Variants in TMEM132B observed in about 807,000 individuals in gnomAD.
TMEM132B encodes transmembrane protein 132B.
A neutral mutation model predicts 90.8 loss-of-function variants in TMEM132B; 18 were observed. That is an observed-to-expected ratio of 0.20 (90% CI 0.14 to 0.29). The LOEUF (loss-of-function observed/expected upper bound fraction) is 0.29. TMEM132B is among the 10% of genes least tolerant of loss of function. The probability of loss-of-function intolerance (pLI) is 1.00; values close to 1 mark genes in which losing one functional copy is unlikely to be tolerated. For missense variants in TMEM132B, 1,096 were observed against 1,326.8 expected (o/e 0.83, Z 2.70); for synonymous variants, 504 against 523.3 (o/e 0.96, Z 0.50).
chr12:125,611,202 A>G (rs917028156), intron 5 of TMEM132B, among the ~76,000 whole-genome samples: 4 of 152,072 alleles, frequency 2.6e-5, no homozygotes, highest in African/African-American at 4.8e-5. Context: ...TATTCATAAC[A>G]TTTATCTACA....
chr12:125,339,516 C>A (rs1196972384), intron 1 of TMEM132B, among the ~76,000 whole-genome samples: 1 of 152,154 alleles, frequency 6.6e-6, no homozygotes, highest in Non-Finnish European at 1.5e-5. Context: ...GATGGAACAC[C>A]CACTCCAGGC....
Position 125,650,846 on chromosome 12 carries a change from A to G in TMEM132B, c.1807A>G (p.Ile603Val), listed in dbSNP as rs1886891627. The change falls in exon 7 of 9, where the codon ATC (isoleucine) becomes GTC (valine). Residue 603 changes from isoleucine (I) to valine (V), a missense_variant. Physicochemically the swap from Ile to Val is conservative, Grantham distance 29 (BLOSUM62 3). Transcript: ENST00000682704. ...GCTGGGCCCCGACTGGCAGTTTGACATCACTGACCTTGTGACCGAGTTCAT... is the reference window on the plus strand; with the variant it reads ...GCTGGGCCCCGACTGGCAGTTTGACGTCACTGACCTTGTGACCGAGTTCAT... ...YMLGPDWQFD[I>V]TDLVTEFMKV... The G allele has an allele frequency of 3.1e-6, 5 of 1,614,210 alleles. No homozygotes were observed. The South Asian group carries it at 4.4e-5, about 14-fold the overall frequency.
At chr12:125,215,033 C>T (rs552217669) in intron 1 of TMEM132B, among the ~76,000 whole-genome samples, 98 of 152,332 alleles carry the variant, frequency 6.4e-4, no homozygotes, top group African/African-American at 2.2e-3. Context: ...CTCCTTGTCC[C>T]TTGAGGCTCA....
chr12:125,468,899 A>G (rs1316292091), intron 3 of TMEM132B, among the ~76,000 whole-genome samples: 2 of 152,146 alleles, frequency 1.3e-5, no homozygotes, highest in East Asian at 3.8e-4. Flanking sequence ...CAGATTGTTC[A>G]TTGTTAGTAT....
chr12:125,249,661 G>T (rs1214035395), intron 1 of TMEM132B, among the ~76,000 whole-genome samples: 1 of 152,232 alleles, frequency 6.6e-6, no homozygotes, highest in Non-Finnish European at 1.5e-5. Context: ...TTCATACCAA[G>T]ATGGTAATTA....
intron 4 of TMEM132B, among the ~76,000 whole-genome samples, chr12:125,551,978 T>G (rs12811466): frequency 0.14 from 20,845 of 152,128 alleles, 1,583 homozygotes; most frequent in South Asian, 0.18. Flanking sequence ...ATGACAAATG[T>G]TTTCTTTTCG....
chr12:125,393,452 A>G (rs323852), intron 2 of TMEM132B, among the ~76,000 whole-genome samples: 78,231 of 151,860 alleles, frequency 0.52, 20,929 homozygotes, highest in East Asian at 0.88. Context: ...AACAACAACA[A>G]CCTGGTTTTG....
At chr12:125,222,453 G>A (rs1873580499) in intron 1 of TMEM132B, among the ~76,000 whole-genome samples, 1 of 152,104 alleles carries the variant, frequency 6.6e-6, no homozygotes, top group African/African-American at 2.4e-5. Context: ...AGGCGACTAA[G>A]GAAACAATTG....
At chr12:125,389,222 G>A (rs887519377) in intron 2 of TMEM132B, among the ~76,000 whole-genome samples, 1 of 152,114 alleles carries the variant, frequency 6.6e-6, no homozygotes, top group African/African-American at 2.4e-5. Context: ...AGTACTAAGT[G>A]TTATGCAAAA....
At chr12:125,417,887 A>G (rs932579879) in intron 3 of TMEM132B, among the ~76,000 whole-genome samples, 2 of 152,200 alleles carry the variant, frequency 1.3e-5, no homozygotes, top group African/African-American at 4.8e-5. Context: ...TGAACCAATC[A>G]CTGTAGCCAG....
chr12:125,210,096 A>G (rs1462229997), intron 1 of TMEM132B, among the ~76,000 whole-genome samples: 3 of 152,208 alleles, frequency 2.0e-5, no homozygotes, highest in Non-Finnish European at 4.4e-5. Flanking sequence ...GAGAAGCTAG[A>G]TAGGTCACTA....
At chr12:125,231,753 T>C (rs777839370) in intron 1 of TMEM132B, among the ~76,000 whole-genome samples, 3 of 151,546 alleles carry the variant, frequency 2.0e-5, no homozygotes, top group Non-Finnish European at 4.4e-5. Flanking sequence ...ATACATCTTT[T>C]TCTTTAAATT....
intron 2 of TMEM132B, among the ~76,000 whole-genome samples, chr12:125,352,969 C>T (rs938555775): frequency 6.6e-6 from 1 of 152,182 alleles, no homozygotes; most frequent in Non-Finnish European, 1.5e-5. Context: ...AGTCACTCCA[C>T]TGGAAGGGGT....
At chr12:125,638,889 A>G (rs1886556509) in intron 5 of TMEM132B, among the ~76,000 whole-genome samples, 1 of 152,228 alleles carries the variant, frequency 6.6e-6, no homozygotes, top group Non-Finnish European at 1.5e-5. Context: ...GTGTAATTTG[A>G]CAGTAAAAAT....
intron 2 of TMEM132B, among the ~76,000 whole-genome samples, chr12:125,394,218 C>CA (rs1338676585): frequency 6.6e-6 from 1 of 152,186 alleles, no homozygotes; most frequent in African/African-American, 2.4e-5. Flanking sequence ...AACTGAGGCT[C>CA]AGAGAGGTTA....
chr12:125,513,540 A>G (rs753442226), intron 3 of TMEM132B, among the ~76,000 whole-genome samples: 13 of 152,184 alleles, frequency 8.5e-5, no homozygotes, highest in Non-Finnish European at 1.6e-4. Flanking sequence ...GCAGCCTTCA[A>G]ACAAAGACTT....
intron 5 of TMEM132B, chr12:125,587,236 CACACACA>C (rs1885203794): frequency 6.7e-6 from 1 of 148,438 alleles, no homozygotes; most frequent in African/African-American, 2.5e-5. Flanking sequence ...TGTGTGTGCG[CACACACA>C]CAAGAAGCCT....
At chr12:125,514,446 T>C (rs556344915) in intron 3 of TMEM132B, among the ~76,000 whole-genome samples, 1 of 152,296 alleles carries the variant, frequency 6.6e-6, no homozygotes, top group South Asian at 2.1e-4. Flanking sequence ...TTGGGACATT[T>C]GTTCAGTGTA....
At chr12:125,256,631 C>A (rs897023934) in intron 1 of TMEM132B, among the ~76,000 whole-genome samples, 1 of 152,234 alleles carries the variant, frequency 6.6e-6, no homozygotes, top group African/African-American at 2.4e-5. Flanking sequence ...AAACATTTGC[C>A]CACACTTTCA....
Sources: allele counts gnomAD v4.1 joint callset (sites outside exome capture counted in the v4.1 genomes callset), GRCh38; gene constraint gnomAD v4.1.1; transcripts MANE v1.5; gene names NCBI Gene and HGNC (gene_info 2026-07-23, HGNC 2026-07-21).